ZPBP: variants seen among roughly 807,000 people sequenced by gnomAD.
ZPBP encodes the protein zona pellucida-binding protein 1.
Under a neutral mutation model 44.8 loss-of-function variants are expected in ZPBP, and 26 were observed. The ratio of observed to expected loss-of-function variants is 0.58; its 90% confidence interval spans 0.43 to 0.81. The LOEUF (loss-of-function observed/expected upper bound fraction) is 0.81. ZPBP is among the 30% of genes least tolerant of loss of function. The pLI, the probability that ZPBP is intolerant of heterozygous loss-of-function variation, is 0.00. For missense variants in ZPBP, 409 were observed against 434.0 expected, an observed-to-expected ratio of 0.94 and a Z score of 0.51; for synonymous variants, 174 against 153.2, an observed-to-expected ratio of 1.14 and a Z score of -1.00.
At chr7:49,844,024 T>A in the ZPBP span, among the ~76,000 whole-genome samples, 5,545 of 152,204 alleles carry the variant, frequency 0.036, 137 homozygotes, top group Middle Eastern at 0.071. Flanking sequence ...GGCCATGGAA[T>A]TGGCTGGGTG....
chr7:49,963,923 T>C (rs1457043875), intron 7 of ZPBP, among the ~76,000 whole-genome samples: 5 of 151,796 alleles, frequency 3.3e-5, no homozygotes. Context: ...TAATAAAATA[T>C]GTAATATAAA....
At chr7:50,038,614 A>G (rs1799926794) in intron 4 of ZPBP, among the ~76,000 whole-genome samples, 1 of 152,250 alleles carries the variant, frequency 6.6e-6, no homozygotes, top group Non-Finnish European at 1.5e-5. Flanking sequence ...TCTTCCAAGG[A>G]CATACATCAG....
chr7:50,077,536 A>C (rs1308069799), intron 3 of ZPBP, among the ~76,000 whole-genome samples: 1 of 151,876 alleles, frequency 6.6e-6, no homozygotes, highest in Non-Finnish European at 1.5e-5. Context: ...AAGCAGTTCA[A>C]ACAACTATAG....
At chr7:49,986,349 C>T (rs748155357) in intron 6 of ZPBP, among the ~76,000 whole-genome samples, 5 of 152,162 alleles carry the variant, frequency 3.3e-5, no homozygotes, top group Admixed American at 6.5e-5. Context: ...CCACAATGGC[C>T]GCAGGCACCC....
chr7:49,947,249 C>CT (rs1379788804), intron 7 of ZPBP, among the ~76,000 whole-genome samples: 1 of 152,012 alleles, frequency 6.6e-6, no homozygotes, highest in Non-Finnish European at 1.5e-5. Flanking sequence ...GATCTTGATG[C>CT]TTGTGGATGT....
intron 2 of ZPBP, among the ~76,000 whole-genome samples, chr7:49,896,573 T>A (rs1200538783): frequency 1.3e-5 from 2 of 151,866 alleles, no homozygotes; most frequent in African/African-American, 4.8e-5. Context: ...AAACAAAAAA[T>A]CATGTAAGAA....
intron 7 of ZPBP, among the ~76,000 whole-genome samples, chr7:49,969,142 TTTAG>T (rs1242718298): frequency 6.7e-6 from 1 of 149,816 alleles, no homozygotes; most frequent in Non-Finnish European, 1.5e-5. Context: ...TATTTATATA[TTTAG>T]TATTTATACA....
At chr7:49,876,043 G>A (rs1791401869) in intron 2 of ZPBP, among the ~76,000 whole-genome samples, 1 of 152,144 alleles carries the variant, frequency 6.6e-6, no homozygotes, top group Non-Finnish European at 1.5e-5. Context: ...CACTTGACCT[G>A]TGTATCAAGT....
chr7:49,939,079 T>C (rs1023792091), intron 7 of ZPBP, among the ~76,000 whole-genome samples: 1 of 152,152 alleles, frequency 6.6e-6, no homozygotes, highest in Admixed American at 6.6e-5. Context: ...AGTATTTGAA[T>C]TGGTAATGTA....
In ZPBP at chr7:49,872,221, G is replaced by A. The variant is rs560993780; in HGVS notation, n.510-21707C>T. The stretch of plus-strand genomic sequence containing the variant: ...ATTTAAGGAGAGAATTAGTGACATC[G>A]CTGGGGGTGGAGGTGGAGAGACAGA... On this transcript the variant is annotated intron_variant and non_coding_transcript_variant, in intron 2 of 2. Transcript: ENST00000465922. Among the ~76,000 whole-genome samples, 11 of 152,204 alleles carry A rather than the reference G, an allele frequency of 7.2e-5. No individual in the cohort carries two copies. The South Asian group carries it at 1.5e-3, about 20-fold the overall frequency.
chr7:49,903,328 G>GA (rs1792880986), intron 1 of ZPBP, among the ~76,000 whole-genome samples: 2 of 151,858 alleles, frequency 1.3e-5, no homozygotes. Flanking sequence ...CTCAAAACTG[G>GA]AAAAAAACAA....
At chr7:49,939,918 A>G (rs1794795114) in intron 7 of ZPBP, among the ~76,000 whole-genome samples, 1 of 152,176 alleles carries the variant, frequency 6.6e-6, no homozygotes, top group South Asian at 2.1e-4. Context: ...AGTATCTCCT[A>G]TAACCAAAAA....
Position 50,093,147 on chromosome 7 carries a change from G to C in ZPBP, c.48C>G (p.Thr16=). 1 of 1,545,176 alleles carries C rather than the reference G, an allele frequency of 6.5e-7. No individual in the cohort carries two copies. Among genetic ancestry groups the C allele is most frequent in the South Asian group, 1.2e-5 (1 of 83,614 alleles). Residue 16 remains threonine (T), a synonymous_variant, in exon 1 of 8, where the codon ACC becomes ACG. Transcript: ENST00000046087. ...LGPARRGRRR[T]RAAGSLLSRA... ...GAGAGAGCAGGGAGCCGGCGGCCCG[G>C]GTCCGCCGCCTGCCCCGCCGCGCTG...
At chr7:49,853,762 C>T (rs691953) in intron 2 of ZPBP, among the ~76,000 whole-genome samples, 8,152 of 151,874 alleles carry the variant, frequency 0.054, 725 homozygotes, top group African/African-American at 0.19. Context: ...ATGTGCACAA[C>T]GTGCAGGTTT....
At chr7:49,991,001 G>A (rs984505346) in intron 6 of ZPBP, among the ~76,000 whole-genome samples, 53 of 152,262 alleles carry the variant, frequency 3.5e-4, no homozygotes, top group African/African-American at 1.3e-3. Context: ...GGGAGAACTA[G>A]TATTTACAAG....
intron 1 of ZPBP, among the ~76,000 whole-genome samples, chr7:49,930,788 A>G (rs957916966): frequency 4.6e-5 from 7 of 152,252 alleles, no homozygotes; most frequent in African/African-American, 1.7e-4. Flanking sequence ...TGTCAACTGT[A>G]ATGCAACATA....
At chr7:50,071,622 TGAG>T (rs1344701213) in intron 3 of ZPBP, among the ~76,000 whole-genome samples, 2 of 152,010 alleles carry the variant, frequency 1.3e-5, no homozygotes, top group African/African-American at 2.4e-5. Context: ...TCTTTCCACC[TGAG>T]GAGAGGAAAG....
intron 2 of ZPBP, among the ~76,000 whole-genome samples, chr7:50,088,455 C>T (rs944770118): frequency 1.7e-4 from 26 of 151,902 alleles, no homozygotes; most frequent in African/African-American, 6.0e-4. Flanking sequence ...AAAACATATG[C>T]TTCAAAGAAC....
At chr7:49,997,175 TAAA>T (rs1468764713) in intron 6 of ZPBP, among the ~76,000 whole-genome samples, 1 of 152,182 alleles carries the variant, frequency 6.6e-6, no homozygotes, top group South Asian at 2.1e-4. Context: ...CCAATCTCCC[TAAA>T]CCTTTGAATT....
Sources: gnomAD v4.1 joint callset for allele counts (sites outside exome capture counted in the v4.1 genomes callset) on GRCh38, gnomAD v4.1.1 for gene constraint, MANE v1.5 for transcripts, NCBI Gene and HGNC (gene_info 2026-07-23, HGNC 2026-07-21) for gene names.